PCDHGA3: variants seen among roughly 807,000 people sequenced by gnomAD.
The protein encoded by PCDHGA3 is protocadherin gamma subfamily A, 3.
In PCDHGA3, 40 loss-of-function variants were observed where a neutral mutation model predicts 58.5. The observed-to-expected ratio is 0.68, with a 90% CI of 0.53 to 0.89. The LOEUF is 0.89. PCDHGA3 is among the 40% of genes least tolerant of loss of function. PCDHGA3 has a pLI of 0.00. For synonymous variants in PCDHGA3, 530 were observed against 525.7 expected (o/e 1.01, Z -0.11); for missense variants, 1,223 against 1,195.9 (o/e 1.02, Z -0.33).
At chr5:141,417,859 G>T (rs925593025) in intron 1 of PCDHGA3, 10 of 1,548,090 alleles carry the variant, frequency 6.5e-6, no homozygotes, top group African/African-American at 2.7e-5. Context: ...CCGAGCGAAC[G>T]ATGGGAGGGA....
At chr5:141,453,175 A>G (rs928062909) in intron 1 of PCDHGA3, among the ~76,000 whole-genome samples, 2 of 152,088 alleles carry the variant, frequency 1.3e-5, no homozygotes, top group African/African-American at 4.8e-5. Context: ...GTCCAGTGGT[A>G]CAATCACAGC....
intron 1 of PCDHGA3, chr5:141,421,588 G>A: frequency 1.2e-6 from 2 of 1,613,910 alleles, no homozygotes; most frequent in Non-Finnish European, 8.5e-7. Context: ...TTACGGAGTG[G>A]AGGTGGAAAT....
chr5:141,431,389 G>T lies in PCDHGA3; in HGVS notation c.2425-63418G>T, dbSNP rs1213370298. 1 of 1,613,876 alleles carries T rather than the reference G, an allele frequency of 6.2e-7. No homozygotes were observed. Among genetic ancestry groups the T allele is most frequent in the Admixed American group, 1.7e-5 (1 of 60,028 alleles). On this transcript the variant is annotated intron_variant, in intron 1 of 3. Transcript: ENST00000253812. This position sits in a 1 kb window ranked among gnomAD's most constrained non-coding sequence, Gnocchi z 4.8. ...GCGAAGAAAAGGCTGCTCACCACCT[G>T]GTCCTTACGGCCTCCGACGGGGGCG...
At position 141,489,651 on chromosome 5, in the gene PCDHGA3, G is replaced by A; in HGVS notation, c.2425-5156G>A. 6.2e-7 allele frequency: 1 copy of A among 1,614,186 alleles called. No individual in the cohort carries two copies. Among genetic ancestry groups the A allele is most frequent in the Non-Finnish European group, 8.5e-7 (1 of 1,180,032 alleles). ...ACTCTCCTAGCTTTGCCACCCCTGA[G>A]CGAGAGATGCGCATCTCAGAATCAG... On this transcript the variant is annotated intron_variant, in intron 1 of 3. Coordinates refer to ENST00000253812, the MANE Select transcript of PCDHGA3 (RefSeq NM_018916.4). The surrounding 1 kb of genome is among the most constrained non-coding windows in gnomAD (Gnocchi z 4.5).
intron 1 of PCDHGA3, chr5:141,399,913 C>T: frequency 2.5e-6 from 4 of 1,612,372 alleles, no homozygotes; most frequent in Non-Finnish European, 3.4e-6. Context: ...AGACTCAGGA[C>T]ACAACGCCTG....
chr5:141,411,924 C>G lies in PCDHGA3; in HGVS notation c.2424+65467C>G, dbSNP rs116336964. ...TTGCCTTTGCACTCAGTCTCTGTCTCTGATTCTCTGATAGAAGATTTTTGA... is the reference window on the plus strand; with the variant it reads ...TTGCCTTTGCACTCAGTCTCTGTCTGTGATTCTCTGATAGAAGATTTTTGA... On this transcript the variant is annotated intron_variant, in intron 1 of 3. Coordinates refer to ENST00000253812, the MANE Select transcript of PCDHGA3 (RefSeq NM_018916.4). The G allele has an allele frequency of 5.8e-4, 88 of 152,306 alleles. 1 individual carries two copies. Among genetic ancestry groups the G allele is most frequent in the African/African-American group, 2.0e-3 (83 of 41,556 alleles). 9.4% of individuals were successfully genotyped at this position (152,306 alleles called of 1,614,324 possible). A position where few individuals can be genotyped will look rare whatever the true frequency, so the allele number is the denominator to read the frequency against.
intron 1 of PCDHGA3, chr5:141,408,389 G>T: frequency 6.2e-7 from 1 of 1,614,032 alleles, no homozygotes; most frequent in Non-Finnish European, 8.5e-7. Flanking sequence ...GGATGTGTCG[G>T]CTCGCAAGCT....
intron 1 of PCDHGA3, chr5:141,408,141 C>G: frequency 1.3e-6 from 2 of 1,492,116 alleles, no homozygotes; most frequent in Non-Finnish European, 1.8e-6. Context: ...GCTCTTTTAG[C>G]GCGGTAGAGT....
In PCDHGA3 at chr5:141,478,136, C is replaced by G. The variant is rs529858044; in HGVS notation, c.2425-16671C>G. 1.4e-4 allele frequency: 218 copies of G among 1,614,048 alleles called. 3 individuals are homozygous for G. The South Asian group carries it at 2.2e-3, about 17-fold the overall frequency. ...AGTAACCGAGGACTCTCCTGAAGCC[C>G]GAGCCGAGTTCCCCTCTGGCTCTGC... is the stretch of plus-strand genomic sequence containing the variant. On this transcript the variant is annotated intron_variant, in intron 1 of 3. Coordinates refer to ENST00000253812, the MANE Select transcript of PCDHGA3 (RefSeq NM_018916.4).
At chr5:141,365,095 A>G in intron 1 of PCDHGA3, 2 of 1,613,810 alleles carry the variant, frequency 1.2e-6, no homozygotes, top group Non-Finnish European at 1.7e-6. Context: ...CAGAGAACAT[A>G]CCTGTGGGCA....
intron 1 of PCDHGA3, among the ~76,000 whole-genome samples, chr5:141,474,000 C>T (rs2099336161): frequency 6.6e-6 from 1 of 152,076 alleles, no homozygotes. Context: ...GCCCAAGGAG[C>T]TGGAAGTTAC....
At position 141,487,030 on chromosome 5, in the gene PCDHGA3, T is replaced by C. The variant is rs773121109; in HGVS notation, c.2425-7777T>C. Reference sequence around the variant, plus strand: ...TGGAGGCCCCAGATCCCAGCCTGTTTGCAGTCTCTCGATATGCTGGGGAGG... The same window carrying C: ...TGGAGGCCCCAGATCCCAGCCTGTTCGCAGTCTCTCGATATGCTGGGGAGG... On this transcript the variant is annotated intron_variant, in intron 1 of 3. Coordinates refer to ENST00000253812, the MANE Select transcript of PCDHGA3 (RefSeq NM_018916.4). The surrounding 1 kb of genome is among the most constrained non-coding windows in gnomAD (Gnocchi z 5.0). 12 of 1,614,100 alleles carry C rather than the reference T, an allele frequency of 7.4e-6. No homozygotes were observed. Among genetic ancestry groups the C allele is most frequent in the Non-Finnish European group, 1.0e-5 (12 of 1,180,044 alleles).
At position 141,394,145 on chromosome 5, in the gene PCDHGA3, C is replaced by T. The variant is rs754958885; in HGVS notation, c.2424+47688C>T. The T allele has an allele frequency of 3.7e-6, 6 of 1,613,962 alleles. No homozygotes were observed. The East Asian group carries it at 8.9e-5, about 24-fold the overall frequency. On this transcript the variant is annotated intron_variant, in intron 1 of 3. Transcript: ENST00000253812. ...CTCAAATCGCTCTGCACGTGGCAGA[C>T]ATTAACGACAACCCTCCTACTTTCC...
chr5:141,414,007 A>G (rs1047239460), intron 1 of PCDHGA3: 2 of 1,613,292 alleles, frequency 1.2e-6, no homozygotes, highest in Non-Finnish European at 1.7e-6. Flanking sequence ...CGAAGGTGCC[A>G]ATGGAGAAGT....
chr5:141,388,809 G>A lies in PCDHGA3; in HGVS notation c.2424+42352G>A, dbSNP rs771582173. The A allele has an allele frequency of 1.2e-6, 2 of 1,613,930 alleles. No individual in the cohort carries two copies. Among genetic ancestry groups the A allele is most frequent in the Non-Finnish European group, 1.7e-6 (2 of 1,179,838 alleles). ...TGTTTTAAATACATTAGATTTTGAA[G>A]AAGTCAAAGAATATTCCATAGTTTT... is the stretch of plus-strand genomic sequence containing the variant. On this transcript the variant is annotated intron_variant, in intron 1 of 3. Transcript: ENST00000253812.
rs1757628583 is a variant in PCDHGA3 at position 141,345,722 on chromosome 5, G to C, written c.1689G>C (p.Leu563=). The C allele has an allele frequency of 2.5e-6, 4 of 1,614,108 alleles. No individual in the cohort carries two copies. The South Asian group carries it at 3.3e-5, about 13-fold the overall frequency. The change falls in exon 1 of 4, where the codon CTG becomes CTC. Residue 563 remains leucine (L), a synonymous_variant. Coordinates refer to ENST00000253812, the MANE Select transcript of PCDHGA3 (RefSeq NM_018916.4). ...LDQNDNAPEI[L]YPALPTDGST... is the part of the protein sequence containing the mutation. ...AGAACGACAACGCGCCCGAGATCCT[G>C]TACCCCGCCCTCCCCACAGACGGTT...
chr5:141,404,004 C>G (rs1219625288), intron 1 of PCDHGA3: 33 of 1,613,842 alleles, frequency 2.0e-5, no homozygotes, highest in Non-Finnish European at 2.8e-5. Flanking sequence ...ACCATTACAT[C>G]TCTGTTTAGC....
rs186638311 is a variant in PCDHGA3, at chr5:141,492,901, T to C, written c.2425-1906T>C. 3.7e-3 allele frequency among the ~76,000 whole-genome samples: 568 copies of C among 152,326 alleles called. 5 individuals carry two copies. The highest frequency in any genetic ancestry group is 0.011 in the Admixed American group (163 of 15,308). On this transcript the variant is annotated intron_variant, in intron 1 of 3. Coordinates refer to ENST00000253812, the MANE Select transcript of PCDHGA3 (RefSeq NM_018916.4). ...GAGATACAGGCTTTTGGCGCCGTCG[T>C]GATCACAATGTGCCCAGCGATCTAG...
Position 141,490,350 on chromosome 5 carries a change from G to T in PCDHGA3, c.2425-4457G>T. On this transcript the variant is annotated intron_variant, in intron 1 of 3. Transcript: ENST00000253812. This position sits in a 1 kb window ranked among gnomAD's most constrained non-coding sequence, Gnocchi z 5.4. Reference sequence around the variant, plus strand: ...GCACACCAGTGGGCACAGTAGTGGGGTTGTTTAATGTGCGAGACCGGGACT... The same window carrying T: ...GCACACCAGTGGGCACAGTAGTGGGTTTGTTTAATGTGCGAGACCGGGACT... 2 of 1,614,204 alleles carry T rather than the reference G, an allele frequency of 1.2e-6. No homozygotes were observed. The highest frequency in any genetic ancestry group is 1.7e-6 in the Non-Finnish European group (2 of 1,180,034).
Sources: allele counts gnomAD v4.1 joint callset (sites outside exome capture counted in the v4.1 genomes callset), GRCh38; gene constraint gnomAD v4.1.1; non-coding constraint Gnocchi (gnomAD v3.1); transcripts MANE v1.5; gene names NCBI Gene and HGNC (gene_info 2026-07-23, HGNC 2026-07-21).